The following PDE3B variants were observed in gnomAD, a reference collection of about 807,000 sequenced individuals.
PDE3B encodes cGMP-inhibited 3',5'-cyclic phosphodiesterase 3B.
In PDE3B, 66 loss-of-function variants were observed where a neutral mutation model predicts 116.8. The observed-to-expected ratio is 0.56, with a 90% CI of 0.46 to 0.69. PDE3B has a LOEUF of 0.69. Ranked by LOEUF, PDE3B falls within the 30% of genes least tolerant of loss-of-function variation. PDE3B has a pLI of 0.00. For synonymous variants in PDE3B, 595 were observed against 533.6 expected (o/e 1.12, Z -1.59); for missense variants, 1,384 against 1,368.1 (o/e 1.01, Z -0.18).
intron 1 of PDE3B, among the ~76,000 whole-genome samples, chr11:14,651,398 G>T (rs1375986371): frequency 6.6e-6 from 1 of 152,158 alleles, no homozygotes; most frequent in Non-Finnish European, 1.5e-5. Flanking sequence ...AGGTACTGAG[G>T]ATTAGGACTC....
chr11:14,800,871 C>T (rs1041346463), intron 4 of PDE3B, among the ~76,000 whole-genome samples: 1 of 151,946 alleles, frequency 6.6e-6, no homozygotes, highest in Non-Finnish European at 1.5e-5. Context: ...ATTCTTTTTT[C>T]TCTAATCTTC....
At chr11:14,741,025 A>G (rs967119841) in intron 1 of PDE3B, among the ~76,000 whole-genome samples, 6 of 151,548 alleles carry the variant, frequency 4.0e-5, no homozygotes, top group African/African-American at 1.2e-4. Context: ...TTCCAATTAT[A>G]TGGTCAATTT....
intron 1 of PDE3B, among the ~76,000 whole-genome samples, chr11:14,708,710 G>A (rs1034695353): frequency 1.3e-5 from 2 of 151,872 alleles, no homozygotes; most frequent in African/African-American, 4.8e-5. Flanking sequence ...AATTTACATT[G>A]AAGAATTTAG....
chr11:14,663,532 G>A (rs11529568), intron 1 of PDE3B, among the ~76,000 whole-genome samples: 18,082 of 151,994 alleles, frequency 0.12, 1,375 homozygotes, highest in African/African-American at 0.22. Flanking sequence ...CCTGTCTCAC[G>A]TGCAGAGACA....
At chr11:14,705,979 A>T (rs1855521375) in intron 1 of PDE3B, among the ~76,000 whole-genome samples, 2 of 151,884 alleles carry the variant, frequency 1.3e-5, no homozygotes, top group South Asian at 4.1e-4. Flanking sequence ...TGTGCCTACT[A>T]AAGCAAACAA....
At chr11:14,727,394 A>G (rs1041477375) in intron 1 of PDE3B, among the ~76,000 whole-genome samples, 1 of 152,160 alleles carries the variant, frequency 6.6e-6, no homozygotes, top group Non-Finnish European at 1.5e-5. Context: ...TCTGAGGTTC[A>G]GAGGGCTTAG....
At chr11:14,651,478 T>C (rs1046825753) in intron 1 of PDE3B, among the ~76,000 whole-genome samples, 1 of 152,178 alleles carries the variant, frequency 6.6e-6, no homozygotes, top group Non-Finnish European at 1.5e-5. Flanking sequence ...CTACGTAAAA[T>C]TGAATTGTTT....
chr11:14,732,129 G>C (rs979202084), intron 1 of PDE3B, among the ~76,000 whole-genome samples: 7 of 152,240 alleles, frequency 4.6e-5, no homozygotes, highest in African/African-American at 1.7e-4. Context: ...AGAGAAGAGC[G>C]AAAGTCCAAG....
intron 5 of PDE3B, among the ~76,000 whole-genome samples, chr11:14,810,803 A>G (rs1859102788): frequency 6.8e-6 from 1 of 145,986 alleles, no homozygotes; most frequent in Non-Finnish European, 1.5e-5. Flanking sequence ...AAGTGTTCCT[A>G]TTTCTCCACA....
At position 14,684,867 on chromosome 11, in the gene PDE3B, A is replaced by C. The variant is rs1854820868; in HGVS notation, c.978+39814A>C. Among the ~76,000 whole-genome samples, 4 of 152,216 alleles carry C rather than the reference A, an allele frequency of 2.6e-5. No individual in the cohort carries two copies. In the South Asian group the frequency reaches 8.3e-4, roughly 32 times the overall value. On this transcript the variant is annotated intron_variant, in intron 1 of 15. Transcript: ENST00000282096. Reference sequence around the variant, plus strand: ...ATTCTGCCTGAACTTGCAGGCAGTCAGACCTTATGGTTGTCTTCCCATGTT... The same window carrying C: ...ATTCTGCCTGAACTTGCAGGCAGTCCGACCTTATGGTTGTCTTCCCATGTT...
At chr11:14,661,932 C>CT (rs1853935189) in intron 1 of PDE3B, among the ~76,000 whole-genome samples, 1 of 152,178 alleles carries the variant, frequency 6.6e-6, no homozygotes, top group African/African-American at 2.4e-5. Flanking sequence ...ATGTCCCTGT[C>CT]TGACAGCTTT....
chr11:14,872,063 G>C (rs1848149514), downstream of PDE3B: 1 of 152,130 alleles, frequency 6.6e-6, no homozygotes, highest in South Asian at 2.1e-4. Context: ...TTTGAAAGCT[G>C]TTTCCTGCTA....
Position 14,830,804 on chromosome 11 carries a change from T to C in PDE3B, c.1914T>C (p.Asp638=). 1 of 1,538,706 alleles carries C rather than the reference T, an allele frequency of 6.5e-7. No individual in the cohort carries two copies. Among genetic ancestry groups the C allele is most frequent in the Non-Finnish European group, 8.7e-7 (1 of 1,148,794 alleles). The stretch of plus-strand genomic sequence containing the variant: ...GCAGAAAATTATTTCAGGAAGGTGA[T>C]AAGTGGCTAACAGAAGAGGCACAGA... ...KDSRKLFQEG[D]KWLTEEAQSE... is the part of the protein sequence containing the mutation. Residue 638 remains aspartate, a synonymous_variant, in exon 8 of 16, where the codon GAT becomes GAC. Transcript: ENST00000282096.
rs1859388607 is a variant in PDE3B, at chr11:14,818,113, A to G, written c.1523-70A>G. ...AAGGAAAAAATCCATAAAAACACAAATATATTTAATAAACATACACACATA... is the reference window on the plus strand; with the variant it reads ...AAGGAAAAAATCCATAAAAACACAAGTATATTTAATAAACATACACACATA... On this transcript the variant is annotated intron_variant, in intron 5 of 15. Coordinates refer to ENST00000282096, the MANE Select transcript of PDE3B (RefSeq NM_000922.4). 6.0e-6 allele frequency: 6 copies of G among 1,007,914 alleles called. No homozygotes were observed. The South Asian group carries it at 6.9e-5, about 12-fold the overall frequency. The allele number at this position is 1,007,914 out of a possible 1,614,324, so 62.4% of individuals were successfully genotyped here. A position where few individuals can be genotyped will look rare whatever the true frequency, so the allele number is the denominator to read the frequency against.
the PDE3B span, chr11:14,880,821 A>C: frequency 6.6e-6 from 10 of 1,522,872 alleles, no homozygotes; most frequent in South Asian, 1.0e-4. Flanking sequence ...GTATCTAAAA[A>C]ATGAAAGGGA....
At chr11:14,867,423 AAACTC>A in intron 14 of PDE3B, 78 bp from the exon 15 acceptor site, 1 of 1,208,800 alleles carries the variant, frequency 8.3e-7, no homozygotes. Context: ...TATTTTAAAA[AAACTC>A]AAGATAATTT....
the PDE3B span, among the ~76,000 whole-genome samples, chr11:14,882,921 C>A: frequency 2.6e-5 from 4 of 151,520 alleles, no homozygotes; most frequent in African/African-American, 4.9e-5. Context: ...CATGAGTGAA[C>A]TCCCATTCAC....
intron 1 of PDE3B, among the ~76,000 whole-genome samples, chr11:14,742,186 TC>T (rs1856793932): frequency 6.6e-6 from 1 of 152,242 alleles, no homozygotes; most frequent in Non-Finnish European, 1.5e-5. Flanking sequence ...AAGAGTGTTT[TC>T]CAACTTGGTT....
At chr11:14,665,730 A>G (rs989211023) in intron 1 of PDE3B, among the ~76,000 whole-genome samples, 14 of 152,192 alleles carry the variant, frequency 9.2e-5, no homozygotes, top group African/African-American at 1.9e-4. Flanking sequence ...TACAAAGGAC[A>G]TGAAGGATCT....
Sources: allele counts gnomAD v4.1 joint callset (sites outside exome capture counted in the v4.1 genomes callset), GRCh38; gene constraint gnomAD v4.1.1; transcripts MANE v1.5; gene names NCBI Gene and HGNC (gene_info 2026-07-23, HGNC 2026-07-21).